ANO4: variants seen among roughly 807,000 people sequenced by gnomAD.
ANO4 encodes the protein anoctamin 4.
ANO4 carries 69 observed loss-of-function variants against 141.9 expected under a neutral mutation model. The observed-to-expected ratio is 0.49, with a 90% CI of 0.40 to 0.59. The LOEUF is 0.59. ANO4 is among the 20% of genes least tolerant of loss of function. ANO4 has a pLI of 0.00. For synonymous variants in ANO4, 350 were observed against 394.3 expected (o/e 0.89, Z 1.33); for missense variants, 894 against 1,162.2 (o/e 0.77, Z 3.36).
chr12:101,104,867 T>A (rs1462015675), intron 22 of ANO4, among the ~76,000 whole-genome samples: 1 of 151,784 alleles, frequency 6.6e-6, no homozygotes, highest in African/African-American at 2.4e-5. Flanking sequence ...ATACTTGAAA[T>A]CCCCAAGTAT....
intron 1 of ANO4, among the ~76,000 whole-genome samples, chr12:100,854,728 T>C (rs1237404940): frequency 2.0e-5 from 3 of 152,328 alleles, no homozygotes; most frequent in African/African-American, 7.2e-5. Context: ...ATTTTAGATT[T>C]TCCTTTCTTC....
rs2047449896 is a variant in ANO4 at position 101,042,531 on chromosome 12, T to C, written c.1154+63T>C. 4 of 1,591,850 alleles carry C rather than the reference T, an allele frequency of 2.5e-6. No homozygotes were observed. The Admixed American group carries it at 6.8e-5, about 27-fold the overall frequency. On this transcript the variant is annotated intron_variant, in intron 12 of 27. Transcript: ENST00000392977. ...TACTTAGAGGTGGCTGTTTGCACTTTGGGGGTATTCACAGATTGTGGAGAC... is the reference window on the plus strand; with the variant it reads ...TACTTAGAGGTGGCTGTTTGCACTTCGGGGGTATTCACAGATTGTGGAGAC...
intron 9 of ANO4, among the ~76,000 whole-genome samples, chr12:101,026,239 G>C (rs2046729358): frequency 6.6e-6 from 1 of 152,024 alleles, no homozygotes; most frequent in African/African-American, 2.4e-5. Context: ...AACAAACAGT[G>C]AGAAACTGAG....
chr12:100,969,029 G>T (rs1295024869), intron 5 of ANO4, among the ~76,000 whole-genome samples: 1 of 152,170 alleles, frequency 6.6e-6, no homozygotes. Flanking sequence ...AGTTGTTACT[G>T]GTTTGTCCAC....
chr12:100,894,965 C>CTCA (rs2040277592), intron 1 of ANO4, among the ~76,000 whole-genome samples: 1 of 102,626 alleles, frequency 9.7e-6, no homozygotes, highest in African/African-American at 3.5e-5. Context: ...GACTCCATCT[C>CTCA]AAAAAAAAAA....
At chr12:100,878,443 A>G (rs2039417462) in intron 1 of ANO4, among the ~76,000 whole-genome samples, 1 of 152,208 alleles carries the variant, frequency 6.6e-6, no homozygotes, top group African/African-American at 2.4e-5. Flanking sequence ...CTTGGTGAAA[A>G]TATCAACACT....
intron 14 of ANO4, among the ~76,000 whole-genome samples, chr12:101,072,968 G>A (rs540070052): frequency 3.9e-5 from 6 of 152,198 alleles, no homozygotes; most frequent in African/African-American, 1.2e-4. Flanking sequence ...AAATAGGAAC[G>A]CTTTTACACT....
At chr12:100,960,027 C>T (rs1172214541) in intron 5 of ANO4, among the ~76,000 whole-genome samples, 1 of 152,090 alleles carries the variant, frequency 6.6e-6, no homozygotes, top group East Asian at 1.9e-4. Context: ...CATCCAGACA[C>T]CTGCCTCTGG....
intron 18 of ANO4, 21 bp from the exon 19 acceptor site, chr12:101,096,515 C>T (rs1356781380): frequency 6.3e-7 from 1 of 1,585,020 alleles, no homozygotes; most frequent in Admixed American, 1.7e-5. Context: ...CTTTCAAACT[C>T]TGCTCACCTT....
Position 101,068,905 on chromosome 12 carries a change from C to G in ANO4, c.1313-10288C>G, listed in dbSNP as rs927866733. The G allele has an allele frequency of 6.0e-6, 5 of 827,992 alleles. No individual in the cohort carries two copies. The African/African-American group carries it at 8.3e-5, about 14-fold the overall frequency. The allele number at this position is 827,992 out of a possible 1,614,324, so 51.3% of individuals were successfully genotyped here. A position where few individuals can be genotyped will look rare whatever the true frequency, so the allele number is the denominator to read the frequency against. ...AGATTTAAAGCTAACAGAGCTCCTC[C>G]GATACTACATGCTCAACATCGAAGC... On this transcript the variant is annotated intron_variant, in intron 14 of 27. Transcript: ENST00000392977.
intron 7 of ANO4, among the ~76,000 whole-genome samples, chr12:100,985,263 A>G (rs2044658618): frequency 6.6e-6 from 1 of 152,246 alleles, no homozygotes; most frequent in South Asian, 2.1e-4. Context: ...GTGAAACACA[A>G]TTAACTTTGA....
chr12:100,866,919 A>C (rs1235646883), intron 1 of ANO4, among the ~76,000 whole-genome samples: 1 of 152,224 alleles, frequency 6.6e-6, no homozygotes, highest in Non-Finnish European at 1.5e-5. Context: ...ACAGCAGCCC[A>C]ACTTTGTAGA....
chr12:101,026,796 T>C (rs549618354), intron 9 of ANO4, among the ~76,000 whole-genome samples: 4 of 152,088 alleles, frequency 2.6e-5, no homozygotes, highest in Non-Finnish European at 4.4e-5. Flanking sequence ...TAGGAGAAAA[T>C]AGAAAATCTT....
At chr12:100,851,797 T>TG (rs2037888159) in intron 1 of ANO4, among the ~76,000 whole-genome samples, 1 of 151,396 alleles carries the variant, frequency 6.6e-6, no homozygotes, top group African/African-American at 2.4e-5. Context: ...CAGAGACCTG[T>TG]GGGGGGAGGG....
intron 2 of ANO4, among the ~76,000 whole-genome samples, chr12:100,735,348 C>T (rs79125676): frequency 0.034 from 5,218 of 152,194 alleles, 207 homozygotes; most frequent in Admixed American, 0.12. Context: ...TAAAAATTCT[C>T]GTGGAGAGCT....
chr12:100,882,154 T>G (rs2039601405), intron 1 of ANO4, among the ~76,000 whole-genome samples: 1 of 152,200 alleles, frequency 6.6e-6, no homozygotes, highest in Admixed American at 6.5e-5. Flanking sequence ...ATGTATTAAC[T>G]CATGGAATCT....
rs1189744874 is a variant in ANO4, at chr12:100,885,986, TCTATTA to T, written c.-140-15657_-140-15652del. ...GAAATATTCCATCCGTGTTCTTATTTCTATTACTGTCTTTAGATCCGAAGTCAATTT... is the reference window on the plus strand; with the variant it reads ...GAAATATTCCATCCGTGTTCTTATTTCTGTCTTTAGATCCGAAGTCAATTT... On this transcript the variant is annotated intron_variant, in intron 1 of 27. Transcript: ENST00000392977. 2.6e-5 allele frequency among the ~76,000 whole-genome samples: 4 copies of T among 152,212 alleles called. No individual in the cohort carries two copies. The East Asian group carries it at 7.7e-4, about 29-fold the overall frequency.
At chr12:100,843,338 A>G (rs938761288) in intron 1 of ANO4, among the ~76,000 whole-genome samples, 34 of 152,186 alleles carry the variant, frequency 2.2e-4, no homozygotes, top group African/African-American at 7.7e-4. Flanking sequence ...TCACTAAACA[A>G]GTATCTGGAC....
intron 1 of ANO4, among the ~76,000 whole-genome samples, chr12:100,840,533 C>A (rs988467347): frequency 2.0e-5 from 3 of 152,058 alleles, no homozygotes; most frequent in Non-Finnish European, 4.4e-5. Context: ...GGGATGGAAC[C>A]TAGATTGGGT....
Sources: gnomAD v4.1 joint callset for allele counts (sites outside exome capture counted in the v4.1 genomes callset) on GRCh38, gnomAD v4.1.1 for gene constraint, MANE v1.5 for transcripts, NCBI Gene and HGNC (gene_info 2026-07-23, HGNC 2026-07-21) for gene names.